PLSCR5: variants seen among roughly 807,000 people sequenced by gnomAD.
PLSCR5 encodes phospholipid scramblase family, member 5.
PLSCR5 carries 44 observed loss-of-function variants against 33.6 expected under a neutral mutation model. The ratio of observed to expected loss-of-function variants is 1.31; its 90% CI spans 1.03 to 1.69. The LOEUF (loss-of-function observed/expected upper bound fraction) is 1.69. Ranked by LOEUF, PLSCR5 falls within the 40% of genes most tolerant of loss-of-function variation. The pLI, the probability that PLSCR5 is intolerant of heterozygous loss-of-function variation, is 0.00. For synonymous variants in PLSCR5, 148 were observed against 112.3 expected, an observed-to-expected ratio of 1.32 and a Z score of -2.01; for missense variants, 375 against 318.7, an observed-to-expected ratio of 1.18 and a Z score of -1.34.
chr3:146,587,265 T>C (rs1366728184), intron 6 of PLSCR5, among the ~76,000 whole-genome samples: 1 of 152,166 alleles, frequency 6.6e-6, no homozygotes, highest in Non-Finnish European at 1.5e-5. Context: ...TTACGGAACC[T>C]ACATCTCATC....
chr3:146,593,396 A>G (rs1426289571), intron 4 of PLSCR5, among the ~76,000 whole-genome samples: 1 of 152,188 alleles, frequency 6.6e-6, no homozygotes, highest in Non-Finnish European at 1.5e-5. Flanking sequence ...ACGTAAATCT[A>G]TTATATATTA....
At chr3:146,597,164 A>C (rs2044768306) in intron 2 of PLSCR5, among the ~76,000 whole-genome samples, 1 of 152,202 alleles carries the variant, frequency 6.6e-6, no homozygotes, top group Admixed American at 6.5e-5. Flanking sequence ...GAAACTATTA[A>C]TTGAAGTCCA....
chr3:146,594,147 G>C lies in PLSCR5; in HGVS notation c.233-7C>G. The C allele has an allele frequency of 6.4e-7, 1 of 1,569,990 alleles. No individual in the cohort carries two copies. The highest frequency in any genetic ancestry group is 8.6e-7 in the Non-Finnish European group (1 of 1,156,142). ...GTCTCAGTACCAAGTATCACTAATG[G>C]AACAAAAAAAAAATTATAAAAACAT... On this transcript the variant is annotated splice_polypyrimidine_tract_variant and splice_region_variant and intron_variant, in intron 3 of 7. Transcript: ENST00000443512.
At chr3:146,599,010 T>C (rs544134199) in intron 2 of PLSCR5, among the ~76,000 whole-genome samples, 1 of 152,360 alleles carries the variant, frequency 6.6e-6, no homozygotes, top group Admixed American at 6.5e-5. Context: ...ATAAAGGAGA[T>C]AGACTTTATA....
chr3:146,595,130 G>T, intron 2 of PLSCR5, 47 bp from the exon 3 acceptor site: 1 of 1,195,046 alleles, frequency 8.4e-7, no homozygotes, highest in African/African-American at 1.6e-5. Context: ...AACATCACAC[G>T]GAAAACCTTT....
At chr3:146,601,322 A>G (rs2044813378) in intron 1 of PLSCR5, among the ~76,000 whole-genome samples, 1 of 152,044 alleles carries the variant, frequency 6.6e-6, no homozygotes, top group Admixed American at 6.6e-5. Flanking sequence ...TTTTCTTCTC[A>G]CATAACTACC....
At chr3:146,600,547 T>C (rs1201054703) in intron 1 of PLSCR5, 84 bp from the exon 2 acceptor site, 13 of 1,229,342 alleles carry the variant, frequency 1.1e-5, no homozygotes, top group Non-Finnish European at 1.4e-5. Context: ...TACTTCTTGA[T>C]TGATAGGATA....
chr3:146,587,305 A>C (rs2044674040), intron 6 of PLSCR5, among the ~76,000 whole-genome samples: 1 of 152,230 alleles, frequency 6.6e-6, no homozygotes, highest in South Asian at 2.1e-4. Flanking sequence ...ACTAAGAAAT[A>C]CATGCTTTTT....
chr3:146,595,611 AAAAGAAAAAG>A (rs528912011), intron 2 of PLSCR5, among the ~76,000 whole-genome samples: 78 of 152,334 alleles, frequency 5.1e-4, no homozygotes, highest in African/African-American at 1.8e-3. Context: ...CAATTAAAAA[AAAAGAAAAAG>A]AAAGAAAAAG....
chr3:146,601,459 T>C (rs1379462330), intron 1 of PLSCR5, among the ~76,000 whole-genome samples: 1 of 152,130 alleles, frequency 6.6e-6, no homozygotes, highest in Non-Finnish European at 1.5e-5. Context: ...TTATCCACAT[T>C]ATGCTGTTTT....
chr3:146,587,188 G>T (rs1170566280), intron 6 of PLSCR5, among the ~76,000 whole-genome samples: 1 of 152,134 alleles, frequency 6.6e-6, no homozygotes, highest in Non-Finnish European at 1.5e-5. Context: ...TTTGCTTTGA[G>T]CGAGCTTCTA....
chr3:146,593,841 T>C, intron 4 of PLSCR5, 79 bp downstream of exon 4: 2 of 1,354,602 alleles, frequency 1.5e-6, no homozygotes, highest in Non-Finnish European at 2.1e-6. Flanking sequence ...AATTGCCTCA[T>C]TGCTCCAGAT....
At chr3:146,599,788 C>T (rs2044795521) in intron 2 of PLSCR5, among the ~76,000 whole-genome samples, 1 of 151,812 alleles carries the variant, frequency 6.6e-6, no homozygotes, top group Non-Finnish European at 1.5e-5. Flanking sequence ...AGGTGATCCT[C>T]CCACCTCAGC....
At position 146,589,746 on chromosome 3, in the gene PLSCR5, A is replaced by T. The variant is rs745359954; in HGVS notation, c.684T>A (p.Asp228Glu). 1 of 1,596,292 alleles carries T rather than the reference A, an allele frequency of 6.3e-7. No individual in the cohort carries two copies. Among genetic ancestry groups the T allele is most frequent in the Non-Finnish European group, 8.6e-7 (1 of 1,165,602 alleles). Residue 228 changes from aspartate to glutamate, a missense_variant, in exon 6 of 8, where the codon GAT becomes GAA. By Grantham distance (45) the Asp-to-Glu change is conservative. Coordinates refer to ENST00000443512, the MANE Select transcript of PLSCR5 (RefSeq NM_001085420.2). Reference sequence around the variant, plus strand: ...CGAAATTGTCAGCATTTGTGAAGACATCATTTACAAATCCTGACCAGTACT... The same window carrying T: ...CGAAATTGTCAGCATTTGTGAAGACTTCATTTACAAATCCTGACCAGTACT... The part of the protein sequence containing the change: ...ISKYWSGFVN[D>E]VFTNADNFGI...
chr3:146,588,093 CA>C (rs1291416234), intron 6 of PLSCR5, among the ~76,000 whole-genome samples: 1 of 151,920 alleles, frequency 6.6e-6, no homozygotes, highest in Admixed American at 6.6e-5. Context: ...TCATGATTAC[CA>C]AAAGTGCATA....
At chr3:146,589,446 G>T (rs1267384447) in intron 6 of PLSCR5, among the ~76,000 whole-genome samples, 2 of 152,116 alleles carry the variant, frequency 1.3e-5, no homozygotes, top group Non-Finnish European at 2.9e-5. Flanking sequence ...TGAGAAAGGG[G>T]ATATGAGATC....
At chr3:146,583,579 A>G (rs563205582), downstream of PLSCR5, among the ~76,000 whole-genome samples, 1 of 152,322 alleles carries the variant, frequency 6.6e-6, no homozygotes, top group East Asian at 1.9e-4. Flanking sequence ...GTAGAGCATG[A>G]AAGAGATAAG....
intron 7 of PLSCR5, among the ~76,000 whole-genome samples, chr3:146,579,824 C>T (rs2044621773): frequency 6.6e-6 from 1 of 152,186 alleles, no homozygotes; most frequent in Admixed American, 6.5e-5. Context: ...TGGGGCACAG[C>T]TGAGTGGGAC....
intron 3 of PLSCR5, among the ~76,000 whole-genome samples, 186 bp from the exon 4 acceptor site, chr3:146,594,326 T>C (rs1002696338): frequency 3.9e-5 from 6 of 152,080 alleles, no homozygotes; most frequent in African/African-American, 1.4e-4. Flanking sequence ...TAAAAGTAAA[T>C]GGTGAGAATA....
Sources: allele counts gnomAD v4.1 joint callset (sites outside exome capture counted in the v4.1 genomes callset), GRCh38; gene constraint gnomAD v4.1.1; transcripts MANE v1.5; gene names NCBI Gene and HGNC (gene_info 2026-07-23, HGNC 2026-07-21).